EHD2: variants seen among roughly 807,000 people sequenced by gnomAD.
EHD2 encodes EH domain-containing protein 2.
A neutral mutation model predicts 41.0 loss-of-function variants in EHD2; 27 were observed. The ratio of observed to expected loss-of-function variants is 0.66; its 90% CI spans 0.49 to 0.91. The LOEUF is 0.91. Ranked by LOEUF, EHD2 falls within the 40% of genes least tolerant of loss-of-function variation. The probability of loss-of-function intolerance (pLI) is 0.00; values close to 1 mark genes in which losing one functional copy is unlikely to be tolerated. For missense variants in EHD2, 673 were observed against 773.9 expected, an observed-to-expected ratio of 0.87 and a Z score of 1.55; for synonymous variants, 342 against 341.0, an observed-to-expected ratio of 1.00 and a Z score of -0.03.
At chr19:47,739,567 C>T (rs1966963108) in intron 5 of EHD2, among the ~76,000 whole-genome samples, 1 of 142,022 alleles carries the variant, frequency 7.0e-6, no homozygotes, top group Non-Finnish European at 1.5e-5. Context: ...CGCCATTGCA[C>T]TCCAGCCTGG....
intron 4 of EHD2, among the ~76,000 whole-genome samples, chr19:47,730,307 T>C (rs1477131369): frequency 6.6e-6 from 1 of 150,466 alleles, no homozygotes; most frequent in Non-Finnish European, 1.5e-5. Flanking sequence ...ATTGGCCCGC[T>C]CTCACAGGCC....
In EHD2 at chr19:47,740,976, G is replaced by A. The variant is rs1334109776; in HGVS notation, c.1176G>A (p.Lys392=). The change falls in exon 6 of 6, where the codon AAG becomes AAA. Residue 392 remains lysine, a synonymous_variant. Transcript: ENST00000263277. ...AGATGCTGACGCACGACATCGCCAA[G>A]CTCATGCCCCTGCTGCGGCAGGAGG... ...LDEMLTHDIA[K]LMPLLRQEEL... is the part of the protein sequence containing the mutation. 2 of 1,612,194 alleles carry A rather than the reference G, an allele frequency of 1.2e-6. No homozygotes were observed. The highest frequency in any genetic ancestry group is 1.3e-5 in the African/African-American group (1 of 74,934).
At chr19:47,731,890 C>T (rs1966879947) in intron 4 of EHD2, among the ~76,000 whole-genome samples, 1 of 149,122 alleles carries the variant, frequency 6.7e-6, no homozygotes, top group Non-Finnish European at 1.5e-5. Context: ...CGGGTTCACG[C>T]CATTCTCCTG....
intron 4 of EHD2, 67 bp downstream of exon 4, chr19:47,726,291 CTG>C: frequency 7.0e-7 from 1 of 1,437,188 alleles, no homozygotes. Flanking sequence ...CCTACCAGTG[CTG>C]TGAGTCCCTG....
rs1254407464 is a variant in EHD2, at chr19:47,719,450, G to A, written c.502+844G>A. Among the ~76,000 whole-genome samples the A allele has an allele frequency of 3.9e-5, 6 of 152,178 alleles. No homozygotes were observed. In the East Asian group the frequency reaches 7.8e-4, roughly 20 times the overall value. On this transcript the variant is annotated intron_variant, in intron 3 of 5. Transcript: ENST00000263277. The surrounding 1 kb of genome is among the most constrained non-coding windows in gnomAD (Gnocchi z 4.1). ...GAGTGGCGGGGGGTGGATTCCAGCCGGGGCCTCCGGGCGTGCTGAGCCCTC... is the reference window on the plus strand; with the variant it reads ...GAGTGGCGGGGGGTGGATTCCAGCCAGGGCCTCCGGGCGTGCTGAGCCCTC...
chr19:47,716,773 A>T lies in EHD2; in HGVS notation c.161A>T (p.Asp54Val). The change falls in exon 2 of 6, where the codon GAC becomes GTC. Residue 54 changes from aspartate to valine, a missense_variant. Transcript: ENST00000263277. ...CACTCGCCGGCCCTGGAGGACGCAG[A>T]CTTCGACGGCAAGCCCATGGTGCTG... ...AFHSPALEDADFDGKPMVLVA... is the reference protein window; with the variant it reads ...AFHSPALEDAVFDGKPMVLVA... 5 of 1,612,666 alleles carry T rather than the reference A, an allele frequency of 3.1e-6. No individual in the cohort carries two copies. Among genetic ancestry groups the T allele is most frequent in the Non-Finnish European group, 4.2e-6 (5 of 1,179,412 alleles).
intron 3 of EHD2, among the ~76,000 whole-genome samples, chr19:47,724,981 CAAAAAAAAAAAAAAAAAAAAAAAAA>C (rs57660216): frequency 5.6e-5 from 3 of 53,820 alleles, no homozygotes; most frequent in Non-Finnish European, 9.6e-5. Context: ...GACTCTGTCT[CAAAAAAAAAAAAAAAAAAAAAAAAA>C]AAAAAAAAAA....
Position 47,726,117 on chromosome 19 carries a change from C to G in EHD2, c.808C>G (p.Leu270Val). 6.3e-7 allele frequency: 1 copy of G among 1,575,794 alleles called. No individual in the cohort carries two copies. The highest frequency in any genetic ancestry group is 1.2e-5 in the South Asian group (1 of 86,688). ...QPLLVPDNRR[L>V]FELEEQDLFR... Reference sequence around the variant, plus strand: ...CCTCCTCGTGCCCGACAACCGGCGCCTCTTCGAGCTGGAGGAGCAGGACCT... The same window carrying G: ...CCTCCTCGTGCCCGACAACCGGCGCGTCTTCGAGCTGGAGGAGCAGGACCT... The change falls in exon 4 of 6, where the codon CTC becomes GTC. Residue 270 changes from leucine to valine, a missense_variant. Transcript: ENST00000263277.
At chr19:47,732,890 C>G (rs1333107585) in intron 4 of EHD2, 1 of 151,938 alleles carries the variant, frequency 6.6e-6, no homozygotes, top group Non-Finnish European at 1.5e-5. Context: ...TCAAGACCAG[C>G]CTGACCAACA....
chr19:47,718,575 C>A lies in EHD2; in HGVS notation c.471C>A (p.Ile157=), dbSNP rs1274969845. ...ESISIIDTPG[I]LSGAKQRVSR... Reference sequence around the variant, plus strand: ...TCAGCATCATCGACACCCCGGGTATCCTGTCGGGTGCCAAGCAGAGAGTGA... The same window carrying A: ...TCAGCATCATCGACACCCCGGGTATACTGTCGGGTGCCAAGCAGAGAGTGA... The change falls in exon 3 of 6, where the codon ATC becomes ATA. Residue 157 remains isoleucine (I), a synonymous_variant. Coordinates refer to ENST00000263277, the MANE Select transcript of EHD2 (RefSeq NM_014601.4). The A allele has an allele frequency of 6.3e-7, 1 of 1,579,122 alleles. No homozygotes were observed. Among genetic ancestry groups the A allele is most frequent in the Non-Finnish European group, 8.6e-7 (1 of 1,162,126 alleles).
chr19:47,734,615 G>A (rs1277996860), intron 4 of EHD2, among the ~76,000 whole-genome samples: 1 of 151,740 alleles, frequency 6.6e-6, no homozygotes, highest in African/African-American at 2.4e-5. Context: ...AGTGGTGGCG[G>A]GCACCTGTAA....
chr19:47,734,490 C>T (rs1280184065), intron 4 of EHD2, among the ~76,000 whole-genome samples: 4 of 152,092 alleles, frequency 2.6e-5, no homozygotes, highest in Non-Finnish European at 4.4e-5. Context: ...CCGTGGCTCC[C>T]GCCTGTAATC....
At chr19:47,726,415 C>T in intron 4 of EHD2, 191 bp downstream of exon 4, 1 of 543,288 alleles carries the variant, frequency 1.8e-6, no homozygotes, top group Non-Finnish European at 2.9e-6. Flanking sequence ...CTTTGGATTT[C>T]TGTGTCAACT....
chr19:47,736,144 C>T (rs916299614), intron 4 of EHD2, among the ~76,000 whole-genome samples: 2 of 151,748 alleles, frequency 1.3e-5, no homozygotes, highest in Non-Finnish European at 2.9e-5. Context: ...TGCAGTGAGC[C>T]GAGATTGTGC....
At position 47,739,587 on chromosome 19, in the gene EHD2, C is replaced by T. The variant is rs148098330; in HGVS notation, c.1081-1294C>T. Among the ~76,000 whole-genome samples the T allele has an allele frequency of 7.8e-4, 91 of 117,066 alleles. 1 individual carries two copies. The highest frequency in any genetic ancestry group is 3.1e-3 in the African/African-American group (88 of 28,576). The allele number at this position is 117,066 out of a possible 152,430, so 76.8% of individuals were successfully genotyped here. ...TTGCACTCCAGCCTGGGTGACAGAG[C>T]GAAACTCGTCAAAAAAAAAAAAAAA... On this transcript the variant is annotated intron_variant, in intron 5 of 5. Coordinates refer to ENST00000263277, the MANE Select transcript of EHD2 (RefSeq NM_014601.4).
At position 47,726,003 on chromosome 19, in the gene EHD2, G is replaced by T; in HGVS notation, c.694G>T (p.Val232Phe). 2 of 1,608,066 alleles carry T rather than the reference G, an allele frequency of 1.2e-6. No homozygotes were observed. Among genetic ancestry groups the T allele is most frequent in the Non-Finnish European group, 8.5e-7 (1 of 1,176,396 alleles). Residue 232 changes from valine (V) to phenylalanine (F), a missense_variant, in exon 4 of 6, where the codon GTC becomes TTC. Physicochemically the swap from Val to Phe is conservative, Grantham distance 50. Coordinates refer to ENST00000263277, the MANE Select transcript of EHD2 (RefSeq NM_014601.4). Reference protein sequence around the residue: ...DMVETQQLMRVYGALMWALGK... With the variant: ...DMVETQQLMRFYGALMWALGK... The stretch of plus-strand genomic sequence containing the variant: ...GGTGGAGACGCAGCAGCTGATGCGC[G>T]TCTACGGCGCGCTCATGTGGGCGCT...
In EHD2 at chr19:47,736,531, C is replaced by A; in HGVS notation, c.1078C>A (p.Gln360Lys). Residue 360 changes from glutamine to lysine, a missense_variant and splice_region_variant, in exon 5 of 6, where the codon CAG becomes AAG. Transcript: ENST00000263277. ...PGDFPDCQKM[Q>K]ELLMAHDFTK... is the part of the protein sequence containing the mutation. ...GGACTTTCCTGATTGCCAGAAAATG[C>A]AGGTGGGAAGCTGCCCAGGAGGGAA... 1 of 1,586,226 alleles carries A rather than the reference C, an allele frequency of 6.3e-7. No individual in the cohort carries two copies. Among genetic ancestry groups the A allele is most frequent in the Non-Finnish European group, 8.6e-7 (1 of 1,166,048 alleles).
chr19:47,728,614 G>A (rs1380984360), intron 4 of EHD2, among the ~76,000 whole-genome samples: 1 of 147,716 alleles, frequency 6.8e-6, no homozygotes, highest in Non-Finnish European at 1.5e-5. Context: ...TGTTGCCCAG[G>A]CTGGAGTGCA....
At chr19:47,716,482 A>T in intron 1 of EHD2, 76 bp from the exon 2 acceptor site, 1 of 1,022,224 alleles carries the variant, frequency 9.8e-7, no homozygotes, top group African/African-American at 1.6e-5. Flanking sequence ...CCTGTCACCC[A>T]GACAGTCTAC....
Sources: gnomAD v4.1 joint callset for allele counts (sites outside exome capture counted in the v4.1 genomes callset) on GRCh38, gnomAD v4.1.1 for gene constraint, Gnocchi (gnomAD v3.1) non-coding constraint, MANE v1.5 for transcripts, NCBI Gene and HGNC (gene_info 2026-07-23, HGNC 2026-07-21) for gene names.